The following ANXA8 variants were observed in gnomAD, a reference collection of about 807,000 sequenced individuals.
ANXA8 encodes annexin A8.
In ANXA8, 9 loss-of-function variants were observed where a neutral mutation model predicts 26.8. The ratio of observed to expected loss-of-function variants is 0.34; its 90% CI spans 0.20 to 0.59. The LOEUF (loss-of-function observed/expected upper bound fraction) is 0.59, where lower values mean the gene tolerates loss of function less well. Ranked by LOEUF, ANXA8 falls within the 20% of genes least tolerant of loss-of-function variation. The pLI is 0.84. For synonymous variants in ANXA8, 39 were observed against 94.8 expected, an observed-to-expected ratio of 0.41 and a Z score of 3.42; for missense variants, 83 against 238.5, an observed-to-expected ratio of 0.35 and a Z score of 4.29.
At chr10:47,667,707 C>T in the ANXA8 span, among the ~76,000 whole-genome samples, 5 of 151,340 alleles carry the variant, frequency 3.3e-5, no homozygotes, top group African/African-American at 1.2e-4. Context: ...TGTGCATCAC[C>T]ACGCCAAGCC....
At chr10:47,653,750 T>C in the ANXA8 span, among the ~76,000 whole-genome samples, 2 of 149,186 alleles carry the variant, frequency 1.3e-5, no homozygotes, top group African/African-American at 5.1e-5. Context: ...GGTCAAGTGA[T>C]TCTCCTACCT....
At chr10:47,535,438 T>C in the ANXA8 span, among the ~76,000 whole-genome samples, 2 of 130,320 alleles carry the variant, frequency 1.5e-5, no homozygotes, top group African/African-American at 3.4e-5. Context: ...TTACTGTGAA[T>C]TTTAAATCCA....
the ANXA8 span, among the ~76,000 whole-genome samples, chr10:47,977,876 C>T: frequency 6.6e-6 from 1 of 150,908 alleles, no homozygotes; most frequent in African/African-American, 2.4e-5. Flanking sequence ...GATAAAGGGG[C>T]AGAAAGAATA....
chr10:47,975,547 C>A, the ANXA8 span, among the ~76,000 whole-genome samples: 4,833 of 145,550 alleles, frequency 0.033, 147 homozygotes, highest in East Asian at 0.16. Flanking sequence ...TTGCAGTTGG[C>A]CATTCCTGAG....
chr10:47,552,973 T>C, the ANXA8 span, among the ~76,000 whole-genome samples: 239 of 134,344 alleles, frequency 1.8e-3, no homozygotes, highest in South Asian at 5.4e-3. Context: ...CAGAGGCTTC[T>C]CACAGACACA....
the ANXA8 span, among the ~76,000 whole-genome samples, chr10:47,680,939 GGA>G: frequency 6.6e-6 from 1 of 150,726 alleles, no homozygotes; most frequent in Non-Finnish European, 1.5e-5. Flanking sequence ...GTTCTAACTT[GGA>G]TTCTAGCTCC....
chr10:47,689,100 A>G, the ANXA8 span, among the ~76,000 whole-genome samples: 2 of 138,442 alleles, frequency 1.4e-5, no homozygotes, highest in Non-Finnish European at 3.1e-5. Flanking sequence ...GCAACAGAGC[A>G]AGACTCCATC....
At chr10:47,481,950 C>T (rs1351325384) in intron 1 of ANXA8, among the ~76,000 whole-genome samples, 1 of 143,450 alleles carries the variant, frequency 7.0e-6, no homozygotes, top group Non-Finnish European at 1.5e-5. Flanking sequence ...GTGACAGGCA[C>T]AGGGGAGCTG....
chr10:47,502,412 C>T, the ANXA8 span: 8 of 1,610,758 alleles, frequency 5.0e-6, no homozygotes, highest in Middle Eastern at 2.1e-4. Flanking sequence ...AAGAGCTTCT[C>T]CTCATATTTG....
At chr10:47,533,185 TCACACACACACA>T in the ANXA8 span, among the ~76,000 whole-genome samples, 124 of 102,438 alleles carry the variant, frequency 1.2e-3, no homozygotes, top group Non-Finnish European at 9.7e-4. Context: ...TAAACACACA[TCACACACACACA>T]CACACACACA....
At chr10:47,706,164 G>A in the ANXA8 span, 1 of 590,360 alleles carries the variant, frequency 1.7e-6, no homozygotes, top group Non-Finnish European at 3.0e-6. Flanking sequence ...CCGCCGCCGC[G>A]GTTGATGTGG....
At chr10:47,528,415 G>C in the ANXA8 span, among the ~76,000 whole-genome samples, 29 of 128,684 alleles carry the variant, frequency 2.3e-4, 2 homozygotes, top group African/African-American at 8.2e-4. Context: ...GTGGGAAAAA[G>C]GATATTATGT....
the ANXA8 span, chr10:47,581,548 C>T: frequency 2.0e-6 from 1 of 509,842 alleles, no homozygotes; most frequent in Non-Finnish European, 3.8e-6. Flanking sequence ...TTCATGTTCT[C>T]TCACACTGCT....
At chr10:47,664,221 C>CA in the ANXA8 span, among the ~76,000 whole-genome samples, 1 of 151,784 alleles carries the variant, frequency 6.6e-6, no homozygotes, top group Non-Finnish European at 1.5e-5. Flanking sequence ...ACTAAAAATA[C>CA]AAAAAAATGA....
At chr10:47,948,710 T>C in the ANXA8 span, among the ~76,000 whole-genome samples, 1 of 150,614 alleles carries the variant, frequency 6.6e-6, no homozygotes, top group Non-Finnish European at 1.5e-5. Context: ...GAAATAATGG[T>C]AAAAAATGCT....
chr10:47,656,460 G>A, the ANXA8 span, among the ~76,000 whole-genome samples: 5 of 146,190 alleles, frequency 3.4e-5, no homozygotes, highest in South Asian at 2.1e-4. Context: ...CTATTGTTTC[G>A]AAGAGTTTTG....
the ANXA8 span, among the ~76,000 whole-genome samples, chr10:47,628,857 C>A: frequency 6.8e-6 from 1 of 147,172 alleles, no homozygotes; most frequent in African/African-American, 2.6e-5. Flanking sequence ...CTATATCTCA[C>A]AATTATGTAA....
At chr10:47,976,767 G>T in the ANXA8 span, among the ~76,000 whole-genome samples, 1 of 147,254 alleles carries the variant, frequency 6.8e-6, no homozygotes, top group Non-Finnish European at 1.5e-5. Context: ...AGCTTAGTCT[G>T]TGTGAACAGC....
At chr10:47,709,282 A>G in the ANXA8 span, among the ~76,000 whole-genome samples, 8 of 147,332 alleles carry the variant, frequency 5.4e-5, no homozygotes, top group African/African-American at 2.1e-4. Flanking sequence ...TTTACTGTCT[A>G]AAGGAAGGAA....
Sources: allele counts gnomAD v4.1 joint callset (sites outside exome capture counted in the v4.1 genomes callset), GRCh38; gene constraint gnomAD v4.1.1; transcripts MANE v1.5; gene names NCBI Gene and HGNC (gene_info 2026-07-23, HGNC 2026-07-21).